Variants in VPS35L observed in about 807,000 individuals in gnomAD.
VPS35L encodes VPS35 endosomal protein sorting factor like, also known as VPS35 endosomal protein-sorting factor-like.
A neutral mutation model predicts 133.0 loss-of-function variants in VPS35L; 83 were observed. That is an observed-to-expected ratio of 0.62 (90% CI 0.52 to 0.75). The LOEUF is 0.75. Ranked by LOEUF, VPS35L falls within the 30% of genes least tolerant of loss-of-function variation. The pLI is 0.00. For missense variants in VPS35L, 1,083 were observed against 1,206.8 expected (o/e 0.90, Z 1.52); for synonymous variants, 423 against 449.9 (o/e 0.94, Z 0.76).
intron 7 of VPS35L, among the ~76,000 whole-genome samples, chr16:19,588,502 A>G (rs933015375): frequency 6.6e-6 from 1 of 151,910 alleles, no homozygotes; most frequent in African/African-American, 2.4e-5. Context: ...TGGGTGGTGT[A>G]AGTCTTTTAA....
intron 14 of VPS35L, among the ~76,000 whole-genome samples, chr16:19,622,515 A>ATACT (rs1359647809): frequency 3.3e-5 from 5 of 152,052 alleles, no homozygotes; most frequent in African/African-American, 9.7e-5. Context: ...GAACCCGTGT[A>ATACT]TACTTGAGTT....
chr16:19,668,639 T>C (rs890070629), intron 26 of VPS35L, among the ~76,000 whole-genome samples: 3 of 151,228 alleles, frequency 2.0e-5, no homozygotes, highest in African/African-American at 4.9e-5. Context: ...CTTCAGACAT[T>C]TTGATGGCTA....
At chr16:19,634,663 C>A (rs1055413957) in intron 19 of VPS35L, among the ~76,000 whole-genome samples, 5 of 152,104 alleles carry the variant, frequency 3.3e-5, no homozygotes, top group African/African-American at 9.7e-5. Flanking sequence ...CATTTTGTAG[C>A]CATCCCAGTA....
intron 27 of VPS35L, 139 bp downstream of exon 27, chr16:19,669,438 G>T (rs186329129): frequency 1.9e-6 from 2 of 1,078,648 alleles, no homozygotes; most frequent in Admixed American, 5.5e-5. Context: ...TATTTGAATT[G>T]CTTAATGAAT....
intron 29 of VPS35L, among the ~76,000 whole-genome samples, chr16:19,697,114 CCT>C (rs1975940257): frequency 6.6e-6 from 1 of 152,202 alleles, no homozygotes; most frequent in Non-Finnish European, 1.5e-5. Context: ...GCCCGCGTGC[CCT>C]GTGCCAAAGC....
At chr16:19,674,955 C>CTT (rs566657093) in intron 27 of VPS35L, among the ~76,000 whole-genome samples, 27,139 of 142,706 alleles carry the variant, frequency 0.19, 3,116 homozygotes, top group Non-Finnish European at 0.26. Context: ...TCTTTTCTTT[C>CTT]TTTTTTTTTT....
Position 19,699,471 on chromosome 16 carries a change from G to T in VPS35L, c.2647-31G>T. ...TGCGGGGCACGGCCTGAGCCCCAGT[G>T]CAAGGCAGTAACCTCCCTTTTCTGT... On this transcript the variant is annotated intron_variant, in intron 29 of 30. Transcript: ENST00000417362. The surrounding 1 kb of genome is among the most constrained non-coding windows in gnomAD (Gnocchi z 4.2). 1 of 1,613,122 alleles carries T rather than the reference G, an allele frequency of 6.2e-7. No individual in the cohort carries two copies. The highest frequency in any genetic ancestry group is 1.1e-5 in the South Asian group (1 of 90,960).
At chr16:19,608,383 T>G (rs1179251656) in intron 10 of VPS35L, 109 bp downstream of exon 10, 1 of 873,288 alleles carries the variant, frequency 1.1e-6, no homozygotes, top group Non-Finnish European at 1.8e-6. Context: ...ATTGAAAGTT[T>G]GGTCCCGTTA....
intron 9 of VPS35L, among the ~76,000 whole-genome samples, chr16:19,606,061 A>G (rs1028353591): frequency 6.6e-6 from 1 of 152,218 alleles, no homozygotes; most frequent in African/African-American, 2.4e-5. Context: ...TTGAGCTGGA[A>G]GGAAAGCCTA....
Position 19,669,266 on chromosome 16 carries a change from C to T in VPS35L, c.2328C>T (p.Leu776=), listed in dbSNP as rs758027894. Reference sequence around the variant, plus strand: ...CGGAATCGTTCCTTCTGGAATTCCTCTGCAATTTCTTTTCTACTTTATTAA... The same window carrying T: ...CGGAATCGTTCCTTCTGGAATTCCTTTGCAATTTCTTTTCTACTTTATTAA... ...RPSESFLLEF[L]CNFFSTLLIV... The change falls in exon 27 of 31, where the codon CTC becomes CTT. Residue 776 remains leucine (L), a synonymous_variant. Transcript: ENST00000417362. 3 of 1,612,958 alleles carry T rather than the reference C, an allele frequency of 1.9e-6. No individual in the cohort carries two copies. In the African/African-American group the frequency reaches 4.0e-5, roughly 22 times the overall value.
chr16:19,692,542 G>C (rs997838320), intron 29 of VPS35L, among the ~76,000 whole-genome samples: 1 of 151,764 alleles, frequency 6.6e-6, no homozygotes, highest in African/African-American at 2.4e-5. Context: ...CTCAACCAAG[G>C]CCTTTCCACT....
At chr16:19,587,797 CTTTTTTTTTTTT>C (rs775544331) in intron 7 of VPS35L, among the ~76,000 whole-genome samples, 1 of 118,962 alleles carries the variant, frequency 8.4e-6, no homozygotes, top group African/African-American at 3.6e-5. Context: ...TCCACATTGT[CTTTTTTTTTTTT>C]TTTTTTTTGA....
rs760188979 is a variant in VPS35L, at chr16:19,616,804, C to T, written c.1220C>T (p.Pro407Leu). The T allele has an allele frequency of 8.1e-6, 13 of 1,614,074 alleles. No homozygotes were observed. In the African/African-American group the frequency reaches 1.2e-4, roughly 15 times the overall value. Residue 407 changes from proline to leucine, a missense_variant, in exon 14 of 31, where the codon CCC becomes CTC. Coordinates refer to ENST00000417362, the MANE Select transcript of VPS35L (RefSeq NM_020314.7). ...TTCCAGTGCATCTCCTACCATGCCC[C>T]CGAGGTAACTGCCAGGTGGCTTCAG... ...WIFQCISYHA[P>L]EALLTEMMER...
At chr16:19,625,608 TTGGTAGTTGG>T (rs1456511608) in intron 14 of VPS35L, among the ~76,000 whole-genome samples, 1 of 151,762 alleles carries the variant, frequency 6.6e-6, no homozygotes, top group South Asian at 2.1e-4. Flanking sequence ...AGTCTCATCA[TTGGTAGTTGG>T]TGAGGTTGGA....
At chr16:19,556,330 C>T (rs1429755339) in intron 1 of VPS35L, among the ~76,000 whole-genome samples, 1 of 142,640 alleles carries the variant, frequency 7.0e-6, no homozygotes, top group African/African-American at 2.9e-5. Flanking sequence ...GAGTGATTAT[C>T]CCCACCAGGG....
chr16:19,602,386 G>T (rs561180814), intron 9 of VPS35L, among the ~76,000 whole-genome samples: 1 of 152,018 alleles, frequency 6.6e-6, no homozygotes, highest in Admixed American at 6.6e-5. Flanking sequence ...CTCCATTGCC[G>T]CTCCACTTCC....
intron 7 of VPS35L, among the ~76,000 whole-genome samples, chr16:19,590,429 C>T (rs1972009817): frequency 6.6e-6 from 1 of 151,918 alleles, no homozygotes; most frequent in African/African-American, 2.4e-5. Context: ...TGAGGGTCAA[C>T]CATTGAGGTG....
At chr16:19,616,638 G>T (rs1972902568) in intron 13 of VPS35L, 48 bp from the exon 14 acceptor site, 1 of 1,594,988 alleles carries the variant, frequency 6.3e-7, no homozygotes. Flanking sequence ...TTTGTTTGTT[G>T]TTTGGTTTTT....
At position 19,633,190 on chromosome 16, in the gene VPS35L, C is replaced by G. The variant is rs371808982; in HGVS notation, c.1635+18C>G. On this transcript the variant is annotated intron_variant, in intron 19 of 30. Coordinates refer to ENST00000417362, the MANE Select transcript of VPS35L (RefSeq NM_020314.7). The surrounding 1 kb of genome is among the most constrained non-coding windows in gnomAD (Gnocchi z 4.1). Reference sequence around the variant, plus strand: ...ACCCCCAGGTAACAGATTTGCATTTCTCATTTCAACATTGTTAGGAATTTT... The same window carrying G: ...ACCCCCAGGTAACAGATTTGCATTTGTCATTTCAACATTGTTAGGAATTTT... The G allele has an allele frequency of 9.4e-5, 151 of 1,608,066 alleles. No homozygotes were observed. The highest frequency in any genetic ancestry group is 1.2e-4 in the Non-Finnish European group (140 of 1,174,484).
Sources: allele counts gnomAD v4.1 joint callset (sites outside exome capture counted in the v4.1 genomes callset), GRCh38; gene constraint gnomAD v4.1.1; non-coding constraint Gnocchi (gnomAD v3.1); transcripts MANE v1.5; gene names NCBI Gene and HGNC (gene_info 2026-07-23, HGNC 2026-07-21).